The following PPP1R9A variants were observed in gnomAD, a reference collection of about 807,000 sequenced individuals.
The protein encoded by PPP1R9A is protein phosphatase 1 regulatory subunit 9A, also known as neurabin-1.
Under a neutral mutation model 141.9 loss-of-function variants are expected in PPP1R9A, and 59 were observed. The observed-to-expected ratio is 0.42, with a 90% CI of 0.34 to 0.52. PPP1R9A has a LOEUF of 0.52. Among genes scored for constraint, PPP1R9A ranks in the 20% least tolerant of loss-of-function variants. The pLI, the probability that PPP1R9A is intolerant of heterozygous loss-of-function variation, is 0.10. For synonymous variants in PPP1R9A, 500 were observed against 569.7 expected, an observed-to-expected ratio of 0.88 and a Z score of 1.74; for missense variants, 1,444 against 1,611.9, an observed-to-expected ratio of 0.90 and a Z score of 1.78.
intron 9 of PPP1R9A, among the ~76,000 whole-genome samples, chr7:95,249,266 T>C (rs1798552457): frequency 6.6e-6 from 1 of 152,212 alleles, no homozygotes; most frequent in Admixed American, 6.5e-5. Flanking sequence ...TTGAGGTTTA[T>C]AAAGCTTGAG....
chr7:95,263,572 C>T (rs1184502463), intron 12 of PPP1R9A, among the ~76,000 whole-genome samples: 14 of 152,018 alleles, frequency 9.2e-5, no homozygotes, highest in African/African-American at 2.7e-4. Context: ...TACAGGTGCA[C>T]GCCATCACAC....
chr7:95,103,374 T>TTTTTTTTTTTTTTTTTTTTTTTTTG, intron 2 of PPP1R9A, among the ~76,000 whole-genome samples: 1 of 136,734 alleles, frequency 7.3e-6, no homozygotes, highest in Non-Finnish European at 1.6e-5. Flanking sequence ...TTTTTTTTTT[T>TTTTTTTTTTTTTTTTTTTTTTTTTG]TTTTTTGAGA....
At chr7:95,057,088 C>G (rs1811601331) in intron 2 of PPP1R9A, among the ~76,000 whole-genome samples, 1 of 152,120 alleles carries the variant, frequency 6.6e-6, no homozygotes, top group African/African-American at 2.4e-5. Context: ...ATGACTTCAT[C>G]AGAAGCCTCA....
At chr7:95,177,923 C>T (rs990810790) in intron 5 of PPP1R9A, among the ~76,000 whole-genome samples, 2 of 152,052 alleles carry the variant, frequency 1.3e-5, no homozygotes, top group Non-Finnish European at 2.9e-5. Context: ...TAGACAACAA[C>T]ACAGTAATAG....
intron 3 of PPP1R9A, among the ~76,000 whole-genome samples, chr7:95,119,511 G>A (rs1822140016): frequency 6.6e-6 from 1 of 152,132 alleles, no homozygotes; most frequent in South Asian, 2.1e-4. Context: ...GTGGAGCACT[G>A]TGGCATGATC....
intron 12 of PPP1R9A, among the ~76,000 whole-genome samples, chr7:95,264,622 G>T (rs1222699809): frequency 6.6e-6 from 1 of 152,146 alleles, no homozygotes; most frequent in Non-Finnish European, 1.5e-5. Context: ...TAAAATGCAG[G>T]TATAGAGGTG....
intron 5 of PPP1R9A, among the ~76,000 whole-genome samples, chr7:95,197,607 T>C (rs1836468974): frequency 6.6e-6 from 1 of 152,202 alleles, no homozygotes; most frequent in Admixed American, 6.5e-5. Flanking sequence ...TTCAAAGTTA[T>C]ATATTTAGCC....
intron 2 of PPP1R9A, among the ~76,000 whole-genome samples, chr7:95,077,336 T>A (rs1815009911): frequency 6.6e-6 from 1 of 152,174 alleles, no homozygotes; most frequent in Non-Finnish European, 1.5e-5. Flanking sequence ...TAAAAATCAG[T>A]AGACTTTTAC....
At chr7:95,199,098 A>G (rs999927810) in intron 6 of PPP1R9A, among the ~76,000 whole-genome samples, 1 of 152,236 alleles carries the variant, frequency 6.6e-6, no homozygotes, top group African/African-American at 2.4e-5. Flanking sequence ...TCTGTAAAAG[A>G]TCAAGTAAAT....
At chr7:95,241,471 T>C (rs1797455335) in intron 8 of PPP1R9A, among the ~76,000 whole-genome samples, 1 of 152,158 alleles carries the variant, frequency 6.6e-6, no homozygotes, top group Admixed American at 6.6e-5. Flanking sequence ...ATGACTCTTT[T>C]ATATTCTATG....
At chr7:95,056,297 A>G (rs1309886748) in intron 2 of PPP1R9A, among the ~76,000 whole-genome samples, 1 of 152,118 alleles carries the variant, frequency 6.6e-6, no homozygotes, top group Non-Finnish European at 1.5e-5. Flanking sequence ...TTTTTCTTGT[A>G]ATCTTTCATT....
chr7:95,005,759 A>G (rs1421156760), intron 2 of PPP1R9A, among the ~76,000 whole-genome samples: 2 of 152,198 alleles, frequency 1.3e-5, no homozygotes, highest in Non-Finnish European at 2.9e-5. Context: ...TGTTCTGGCT[A>G]TATTTATAGT....
chr7:94,988,677 AAAT>A (rs1243767490), intron 2 of PPP1R9A, among the ~76,000 whole-genome samples: 1 of 152,132 alleles, frequency 6.6e-6, no homozygotes, highest in Non-Finnish European at 1.5e-5. Flanking sequence ...AAAAAAATGA[AAAT>A]AAGAAGTTAT....
At chr7:95,198,259 G>A (rs1836581788) in intron 5 of PPP1R9A, 90 bp from the exon 6 acceptor site, 1 of 1,216,272 alleles carries the variant, frequency 8.2e-7, no homozygotes, top group Non-Finnish European at 1.1e-6. Flanking sequence ...AGGCTTGATG[G>A]ACCCTGCTGA....
intron 18 of PPP1R9A, among the ~76,000 whole-genome samples, chr7:95,288,184 G>T (rs771896025): frequency 2.0e-5 from 3 of 152,112 alleles, no homozygotes; most frequent in African/African-American, 4.8e-5. Flanking sequence ...CTTATTAGAG[G>T]ATAAGTGATG....
chr7:95,056,140 G>A (rs965904784), intron 2 of PPP1R9A, among the ~76,000 whole-genome samples: 1 of 151,956 alleles, frequency 6.6e-6, no homozygotes, highest in African/African-American at 2.4e-5. Flanking sequence ...AAAATGGCAT[G>A]CATATTTTAC....
Position 95,273,966 on chromosome 7 carries a change from G to A in PPP1R9A, c.3192G>A (p.Lys1064=). ...TGGCGGTGCAAGGAGGAAAAATTAAGCGGAAGTTTGTGGATCTGGGGTAAG... is the reference window on the plus strand; with the variant it reads ...TGGCGGTGCAAGGAGGAAAAATTAAACGGAAGTTTGTGGATCTGGGGTAAG... ...SSLAVQGGKI[K]RKFVDLGAPL... The change falls in exon 15 of 20, where the codon AAG becomes AAA. Residue 1064 remains lysine (K), a synonymous_variant. Transcript: ENST00000433360. The A allele has an allele frequency of 6.6e-7, 1 of 1,504,642 alleles. No individual in the cohort carries two copies. Among genetic ancestry groups the A allele is most frequent in the Non-Finnish European group, 9.1e-7 (1 of 1,094,904 alleles). 93.2% of individuals were successfully genotyped at this position (1,504,642 alleles called of 1,614,324 possible).
chr7:95,125,607 C>T (rs966374601), intron 4 of PPP1R9A, among the ~76,000 whole-genome samples: 3 of 152,122 alleles, frequency 2.0e-5, no homozygotes, highest in Admixed American at 6.6e-5. Flanking sequence ...TGGATGGTAA[C>T]TGACAAAGGA....
chr7:95,267,260 C>T lies in PPP1R9A; in HGVS notation c.2666-1290C>T, dbSNP rs141072448. ...AGAATAATGCTGTAAAAAGGAATTGCCTGAGCTAATAATATTATAAGAAAT... is the reference window on the plus strand; with the variant it reads ...AGAATAATGCTGTAAAAAGGAATTGTCTGAGCTAATAATATTATAAGAAAT... On this transcript the variant is annotated intron_variant, in intron 12 of 19. Transcript: ENST00000433360. 2.8e-3 allele frequency among the ~76,000 whole-genome samples: 421 copies of T among 152,106 alleles called. 2 individuals carry two copies. The highest frequency in any genetic ancestry group is 9.4e-3 in the African/African-American group (391 of 41,518).
Sources: allele counts gnomAD v4.1 joint callset (sites outside exome capture counted in the v4.1 genomes callset), GRCh38; gene constraint gnomAD v4.1.1; transcripts MANE v1.5; gene names NCBI Gene and HGNC (gene_info 2026-07-23, HGNC 2026-07-21).